Variants in KCNH5 observed in about 807,000 individuals in gnomAD.
KCNH5 encodes voltage-gated delayed rectifier potassium channel KCNH5.
In KCNH5, 46 loss-of-function variants were observed where a neutral mutation model predicts 96.1. The ratio of observed to expected loss-of-function variants is 0.48; its 90% CI spans 0.38 to 0.61. The LOEUF is 0.61. KCNH5 is among the 20% of genes least tolerant of loss of function. The probability of loss-of-function intolerance (pLI) is 0.00; values close to 1 mark genes in which losing one functional copy is unlikely to be tolerated. For synonymous variants in KCNH5, 439 were observed against 449.8 expected, an observed-to-expected ratio of 0.98 and a Z score of 0.30; for missense variants, 907 against 1,225.8, an observed-to-expected ratio of 0.74 and a Z score of 3.88.
intron 4 of KCNH5, among the ~76,000 whole-genome samples, chr14:62,988,648 G>C (rs1890754014): frequency 6.6e-6 from 1 of 151,912 alleles, no homozygotes; most frequent in Non-Finnish European, 1.5e-5. Context: ...TTAGGTTTTG[G>C]GAATTGTATG....
intron 7 of KCNH5, among the ~76,000 whole-genome samples, chr14:62,853,937 G>T (rs1437439624): frequency 6.6e-6 from 1 of 150,872 alleles, no homozygotes; most frequent in East Asian, 1.9e-4. Context: ...AACCCGGGAG[G>T]CGGAGGTTGC....
chr14:62,719,538 C>T (rs936020334), intron 10 of KCNH5, among the ~76,000 whole-genome samples: 1 of 152,224 alleles, frequency 6.6e-6, no homozygotes, highest in Admixed American at 6.5e-5. Flanking sequence ...TTCACAACCA[C>T]TCCAGCGCAG....
chr14:62,805,080 A>G (rs564457663), intron 8 of KCNH5, among the ~76,000 whole-genome samples: 6 of 152,282 alleles, frequency 3.9e-5, no homozygotes, highest in African/African-American at 1.4e-4. Flanking sequence ...AGAACGAAAA[A>G]ATTTAAATAC....
chr14:62,839,941 C>A (rs1482783893), intron 8 of KCNH5, among the ~76,000 whole-genome samples: 2 of 152,040 alleles, frequency 1.3e-5, no homozygotes, highest in African/African-American at 4.8e-5. Context: ...GCAGTCTCTC[C>A]TTTTTTAAAA....
intron 7 of KCNH5, among the ~76,000 whole-genome samples, chr14:62,918,297 A>G (rs1204865941): frequency 6.6e-6 from 1 of 152,186 alleles, no homozygotes; most frequent in African/African-American, 2.4e-5. Flanking sequence ...AATGTAATGT[A>G]CAACATACAA....
At chr14:62,785,328 T>C (rs994801138) in intron 9 of KCNH5, among the ~76,000 whole-genome samples, 1 of 152,242 alleles carries the variant, frequency 6.6e-6, no homozygotes, top group African/African-American at 2.4e-5. Context: ...GTGTTAGGCA[T>C]AGAATATCTA....
At chr14:62,916,138 G>C (rs546933017) in intron 7 of KCNH5, among the ~76,000 whole-genome samples, 128 of 152,006 alleles carry the variant, frequency 8.4e-4, no homozygotes, top group African/African-American at 2.8e-3. Context: ...ATTTTTAGTA[G>C]AGACGGGGTT....
intron 2 of KCNH5, among the ~76,000 whole-genome samples, chr14:63,012,912 G>A (rs937882336): frequency 3.3e-5 from 5 of 150,898 alleles, no homozygotes; most frequent in African/African-American, 1.2e-4. Context: ...AGACAGATTA[G>A]AAAGACATAC....
At chr14:62,967,727 A>C (rs1890329803) in intron 6 of KCNH5, among the ~76,000 whole-genome samples, 1 of 152,174 alleles carries the variant, frequency 6.6e-6, no homozygotes, top group African/African-American at 2.4e-5. Context: ...AAGCATGGGG[A>C]TAATTATTGC....
chr14:62,922,676 A>G (rs915172657), intron 7 of KCNH5, among the ~76,000 whole-genome samples: 1 of 152,042 alleles, frequency 6.6e-6, no homozygotes, highest in African/African-American at 2.4e-5. Context: ...AATATGTTAC[A>G]CCACATTAAC....
intron 6 of KCNH5, among the ~76,000 whole-genome samples, chr14:62,959,488 A>C (rs1555365622): frequency 1.3e-5 from 2 of 152,154 alleles, no homozygotes; most frequent in Non-Finnish European, 1.5e-5. Context: ...TTAGGACCAA[A>C]GAAGGTCCAC....
At chr14:62,874,356 T>C (rs1024818765) in intron 7 of KCNH5, among the ~76,000 whole-genome samples, 2 of 151,888 alleles carry the variant, frequency 1.3e-5, no homozygotes, top group Non-Finnish European at 2.9e-5. Context: ...CAAACGAACA[T>C]ATGTAAAAAA....
intron 7 of KCNH5, among the ~76,000 whole-genome samples, chr14:62,930,661 C>A (rs1406699985): frequency 6.6e-6 from 1 of 152,146 alleles, no homozygotes; most frequent in Non-Finnish European, 1.5e-5. Context: ...AAAATTCACA[C>A]AGCATTGTGA....
rs1359541181 is a variant in KCNH5 at position 62,704,903 on chromosome 14, G to A, written c.*2605C>T. The A allele has an allele frequency of 6.6e-6, 1 of 151,784 alleles. No individual in the cohort carries two copies. The highest frequency in any genetic ancestry group is 1.5e-5 in the Non-Finnish European group (1 of 67,756). 9.4% of individuals were successfully genotyped at this position (151,784 alleles called of 1,614,324 possible). ...AGTAAATTCAACTGCTAAGATTTGTGGAATCTGGGAACCTAAAAGACTACT... is the reference window on the plus strand; with the variant it reads ...AGTAAATTCAACTGCTAAGATTTGTAGAATCTGGGAACCTAAAAGACTACT... On this transcript the variant is annotated 3_prime_UTR_variant, in exon 11 of 11. Coordinates refer to ENST00000322893, the MANE Select transcript of KCNH5 (RefSeq NM_139318.5).
chr14:62,786,077 G>T (rs930411416), intron 9 of KCNH5, among the ~76,000 whole-genome samples: 1 of 152,000 alleles, frequency 6.6e-6, no homozygotes, highest in South Asian at 2.1e-4. Context: ...TGTAATCCCT[G>T]CTACTCAGGA....
chr14:62,712,826 C>A (rs945019730), intron 10 of KCNH5: 1 of 706,676 alleles, frequency 1.4e-6, no homozygotes, highest in Non-Finnish European at 2.6e-6. Context: ...TCCTTACTCT[C>A]CAAAGCAGAG....
At chr14:62,734,387 A>G (rs1432068608) in intron 10 of KCNH5, among the ~76,000 whole-genome samples, 2 of 152,134 alleles carry the variant, frequency 1.3e-5, no homozygotes, top group African/African-American at 4.8e-5. Context: ...TCTCATGCCT[A>G]TGGTTTCTGT....
intron 9 of KCNH5, among the ~76,000 whole-genome samples, chr14:62,799,201 C>A (rs111797369): frequency 1.3e-5 from 2 of 152,034 alleles, no homozygotes; most frequent in Non-Finnish European, 2.9e-5. Flanking sequence ...ACAAGAGATG[C>A]AAGGAGACAT....
intron 7 of KCNH5, among the ~76,000 whole-genome samples, chr14:62,909,900 C>G (rs559751816): frequency 6.6e-6 from 1 of 152,016 alleles, no homozygotes; most frequent in East Asian, 1.9e-4. Flanking sequence ...TCTCTTCTAA[C>G]GAAAAATACA....
Sources: allele counts gnomAD v4.1 joint callset (sites outside exome capture counted in the v4.1 genomes callset), GRCh38; gene constraint gnomAD v4.1.1; transcripts MANE v1.5; gene names NCBI Gene and HGNC (gene_info 2026-07-23, HGNC 2026-07-21).